RPTOR: variants seen among roughly 807,000 people sequenced by gnomAD.
The protein encoded by RPTOR is regulatory associated protein of MTOR complex 1, also known as regulatory-associated protein of mTOR.
In RPTOR, 21 loss-of-function variants were observed where a neutral mutation model predicts 169.9. The ratio of observed to expected loss-of-function variants is 0.12; its 90% CI spans 0.09 to 0.18. RPTOR has a LOEUF of 0.18. Ranked by LOEUF, RPTOR falls within the 10% of genes least tolerant of loss-of-function variation. The pLI is 1.00. For missense variants in RPTOR, 1,133 were observed against 1,855.9 expected (o/e 0.61, Z 7.16); for synonymous variants, 732 against 753.2 (o/e 0.97, Z 0.46).
chr17:80,660,274 A>C (rs963203458), intron 3 of RPTOR, among the ~76,000 whole-genome samples: 3 of 145,108 alleles, frequency 2.1e-5, no homozygotes, highest in Non-Finnish European at 4.4e-5. Context: ...GTGTCTCAAA[A>C]AAAAAAAAAA....
rs1555607064 is a variant in RPTOR at position 80,685,650 on chromosome 17, T to TTA, written c.349-22190_349-22189insAT. On this transcript the variant is annotated intron_variant, in intron 3 of 33. Transcript: ENST00000306801. ...ATATTTTTTTTTTTTTTTTTTTTTT[T>TTA]TTTTTTTGCTGTGAATTATCTGACA... is the stretch of plus-strand genomic sequence containing the variant. Among the ~76,000 whole-genome samples the TTA allele has an allele frequency of 3.4e-3, 317 of 93,126 alleles. 7 individuals are homozygous for TTA. The highest frequency in any genetic ancestry group is 7.0e-3 in the East Asian group (18 of 2,580). 61.1% of individuals were successfully genotyped at this position (93,126 alleles called of 152,430 possible).
rs60524130 is a variant in RPTOR, at chr17:80,862,515, C to A, written c.1509+4615C>A. Among the ~76,000 whole-genome samples, 5 of 152,016 alleles carry A rather than the reference C, an allele frequency of 3.3e-5. No individual in the cohort carries two copies. In the East Asian group the frequency reaches 9.7e-4, roughly 29 times the overall value. The stretch of plus-strand genomic sequence containing the variant: ...TGCACCCCCTACAATGTGTGCATGC[C>A]CCTCTGTGTTGGTGATGGTCCTCCG... On this transcript the variant is annotated intron_variant, in intron 13 of 33. Transcript: ENST00000306801.
chr17:80,773,288 G>A (rs2143423003), intron 6 of RPTOR, among the ~76,000 whole-genome samples: 1 of 152,374 alleles, frequency 6.6e-6, no homozygotes, highest in African/African-American at 2.4e-5. Context: ...GACACAGCTA[G>A]TGGGGACTTC....
intron 6 of RPTOR, among the ~76,000 whole-genome samples, chr17:80,784,256 T>C (rs890808016): frequency 4.0e-5 from 6 of 151,592 alleles, no homozygotes; most frequent in Non-Finnish European, 7.4e-5. Flanking sequence ...AAAAAACACA[T>C]ACTTTTAAAT....
At chr17:80,656,503 G>A (rs1329842343) in intron 3 of RPTOR, among the ~76,000 whole-genome samples, 1 of 152,236 alleles carries the variant, frequency 6.6e-6, no homozygotes, top group African/African-American at 2.4e-5. Context: ...GGCAGATGCA[G>A]AATGGGACTT....
chr17:80,665,784 A>T (rs1041440551), intron 3 of RPTOR, among the ~76,000 whole-genome samples: 6 of 151,982 alleles, frequency 3.9e-5, no homozygotes, highest in African/African-American at 9.7e-5. Flanking sequence ...TGACCTCGTG[A>T]TCCGCCCACT....
At position 80,964,649 on chromosome 17, in the gene RPTOR, CCTCA is replaced by C; in HGVS notation, c.*322_*325del. Reference sequence around the variant, plus strand: ...CTCTGAGACGCTGAAAGGGGAAACACCTCACTTTATTTCCATGTAATCAGAGCAT... The same window carrying C: ...CTCTGAGACGCTGAAAGGGGAAACACCTTTATTTCCATGTAATCAGAGCAT... On this transcript the variant is annotated 3_prime_UTR_variant, in exon 34 of 34. Coordinates refer to ENST00000306801, the MANE Select transcript of RPTOR (RefSeq NM_020761.3). 4.7e-6 allele frequency: 2 copies of C among 423,338 alleles called. No individual in the cohort carries two copies. The highest frequency in any genetic ancestry group is 8.7e-6 in the Non-Finnish European group (2 of 230,126). 26.2% of individuals were successfully genotyped at this position (423,338 alleles called of 1,614,324 possible). A position where few individuals can be genotyped will look rare whatever the true frequency, so the allele number is the denominator to read the frequency against.
intron 6 of RPTOR, among the ~76,000 whole-genome samples, chr17:80,783,832 T>C (rs2066965122): frequency 6.6e-6 from 1 of 152,262 alleles, no homozygotes; most frequent in African/African-American, 2.4e-5. Context: ...TAGCAAACTC[T>C]TGCACTTAAT....
At chr17:80,930,503 T>TCACCTCATCCC (rs2068883244) in intron 24 of RPTOR, among the ~76,000 whole-genome samples, 45 of 8,716 alleles carry the variant, frequency 5.2e-3, no homozygotes, top group Non-Finnish European at 5.9e-3. Flanking sequence ...CAGCTCATCC[T>TCACCTCATCCC]CAGCTCATCT....
intron 29 of RPTOR, among the ~76,000 whole-genome samples, chr17:80,958,206 C>CACCACCG (rs58504028): frequency 7.3e-6 from 1 of 137,130 alleles, no homozygotes; most frequent in Non-Finnish European, 1.6e-5. Flanking sequence ...CACCCCCCCC[C>CACCACCG]CCCACCACCA....
chr17:80,880,545 C>G, intron 14 of RPTOR, 56 bp downstream of exon 14: 1 of 1,523,882 alleles, frequency 6.6e-7, no homozygotes, highest in Non-Finnish European at 9.1e-7. Flanking sequence ...TCGCCTCTGC[C>G]CACACGCTGC....
At chr17:80,605,949 G>T (rs540459568) in intron 1 of RPTOR, among the ~76,000 whole-genome samples, 20 of 152,112 alleles carry the variant, frequency 1.3e-4, no homozygotes, top group Non-Finnish European at 2.8e-4. Context: ...TTGAGGTGTT[G>T]GTAGGTGCTA....
At chr17:80,565,079 G>T (rs190924541) in intron 1 of RPTOR, among the ~76,000 whole-genome samples, 3 of 152,278 alleles carry the variant, frequency 2.0e-5, no homozygotes, top group Non-Finnish European at 2.9e-5. Context: ...GTGCTGCAGT[G>T]AACATAAGCA....
Position 80,651,617 on chromosome 17 carries a change from G to A in RPTOR, c.348+7807G>A, listed in dbSNP as rs945537435. 4.6e-5 allele frequency among the ~76,000 whole-genome samples: 7 copies of A among 152,086 alleles called. No individual in the cohort carries two copies. Among genetic ancestry groups the A allele is most frequent in the African/African-American group, 7.2e-5 (3 of 41,412 alleles). On this transcript the variant is annotated intron_variant, in intron 3 of 33. Coordinates refer to ENST00000306801, the MANE Select transcript of RPTOR (RefSeq NM_020761.3). The surrounding 1 kb of genome is among the most constrained non-coding windows in gnomAD (Gnocchi z 4.1). ...ACAACTTGGCTGGGCGCAGTGGCTC[G>A]CGCCTGTAATCCTAGCACTTTGGGA... is the stretch of plus-strand genomic sequence containing the variant.
At chr17:80,776,879 G>T (rs917731032) in intron 6 of RPTOR, among the ~76,000 whole-genome samples, 1 of 152,160 alleles carries the variant, frequency 6.6e-6, no homozygotes, top group Non-Finnish European at 1.5e-5. Context: ...GACAGAGAAG[G>T]CCCCACAGTG....
intron 3 of RPTOR, among the ~76,000 whole-genome samples, chr17:80,698,288 A>G (rs913593002): frequency 2.6e-5 from 4 of 152,132 alleles, no homozygotes; most frequent in African/African-American, 9.7e-5. Context: ...CCCCATGCAG[A>G]GGGGCTGCCG....
At chr17:80,889,956 CCGAGGGAGGCCCCCG>C (rs2068298336) in intron 17 of RPTOR, among the ~76,000 whole-genome samples, 1 of 88,102 alleles carries the variant, frequency 1.1e-5, no homozygotes, top group African/African-American at 3.5e-5. Flanking sequence ...TGTGCGGCCT[CCGAGGGAGGCCCCCG>C]TACACAGCAG....
intron 1 of RPTOR, among the ~76,000 whole-genome samples, chr17:80,561,441 G>GT (rs1325044666): frequency 2.7e-5 from 4 of 148,992 alleles, no homozygotes; most frequent in Admixed American, 6.7e-5. Flanking sequence ...TTTATTTTTA[G>GT]TTTTTTTGAG....
intron 4 of RPTOR, among the ~76,000 whole-genome samples, chr17:80,723,830 G>C (rs1280056716): frequency 6.6e-6 from 1 of 151,410 alleles, no homozygotes; most frequent in Non-Finnish European, 1.5e-5. Flanking sequence ...CTAGGGACTG[G>C]AATAGACTAA....
Sources: gnomAD v4.1 joint callset for allele counts (sites outside exome capture counted in the v4.1 genomes callset) on GRCh38, gnomAD v4.1.1 for gene constraint, Gnocchi (gnomAD v3.1) non-coding constraint, MANE v1.5 for transcripts, NCBI Gene and HGNC (gene_info 2026-07-23, HGNC 2026-07-21) for gene names.